The following FOXP1 variants were observed in gnomAD, a reference collection of about 807,000 sequenced individuals.
FOXP1 encodes the protein forkhead box P1, also known as forkhead box protein P1.
FOXP1 carries 15 observed loss-of-function variants against 98.2 expected under a neutral mutation model. The observed-to-expected ratio is 0.15, with a 90% CI of 0.10 to 0.24. The LOEUF is 0.24. Ranked by LOEUF, FOXP1 falls within the 10% of genes least tolerant of loss-of-function variation. The pLI, the probability that FOXP1 is intolerant of heterozygous loss-of-function variation, is 1.00. For missense variants in FOXP1, 633 were observed against 848.5 expected (o/e 0.75, Z 3.15); for synonymous variants, 371 against 314.5 (o/e 1.18, Z -1.90).
In FOXP1 at chr3:70,956,409, ATT is replaced by A. The variant is rs886058834; in HGVS notation, c.*2836_*2837del. On this transcript the variant is annotated 3_prime_UTR_variant, in exon 21 of 21. Transcript: ENST00000649528. ...TACCTGCAAAGATATGTAAAATCTA[ATT>A]TTTCTTTTTTTTTTTTTTTTGCTAC... The A allele has an allele frequency of 4.6e-6, 1 of 219,294 alleles. No individual in the cohort carries two copies. The highest frequency in any genetic ancestry group is 9.0e-6 in the Non-Finnish European group (1 of 111,504). 13.6% of individuals were successfully genotyped at this position (219,294 alleles called of 1,614,324 possible).
At chr3:71,298,534 T>G (rs1029376641) in intron 5 of FOXP1, among the ~76,000 whole-genome samples, 3 of 152,178 alleles carry the variant, frequency 2.0e-5, no homozygotes, top group Non-Finnish European at 4.4e-5. Flanking sequence ...AGTGTCTTGC[T>G]GTGGCCTGAT....
At position 71,053,651 on chromosome 3, in the gene FOXP1, G is replaced by C; in HGVS notation, c.405C>G (p.Ala135=). The change falls in exon 8 of 21, where the codon GCC becomes GCG. Residue 135 remains alanine, a synonymous_variant. Coordinates refer to ENST00000649528, the MANE Select transcript of FOXP1 (RefSeq NM_001349338.3). ...QLQVLLQQQQ[A]LMLQQQQLQE... is the part of the protein sequence containing the mutation. ...GGACAATTACCTGTTGAAGCATGAG[G>C]GCCTGCTGCTGCTGGAGGAGAACCT... is the stretch of plus-strand genomic sequence containing the variant. 6.2e-7 allele frequency: 1 copy of C among 1,614,070 alleles called. No individual in the cohort carries two copies. The highest frequency in any genetic ancestry group is 1.1e-5 in the South Asian group (1 of 91,080).
In FOXP1 at chr3:70,954,894, CAAAA is replaced by C. The variant is rs1013329420; in HGVS notation, c.*4349_*4352del. ...CTTATCAAAACAAAACAAAACAAAA[CAAAA>C]AAATTCTTGTTACTGGCAGCACATA... On this transcript the variant is annotated 3_prime_UTR_variant, in exon 21 of 21. Transcript: ENST00000649528. 8.6e-6 allele frequency: 2 copies of C among 232,488 alleles called. No individual in the cohort carries two copies. The highest frequency in any genetic ancestry group is 1.7e-5 in the Non-Finnish European group (2 of 117,810). The allele number at this position is 232,488 out of a possible 1,614,324, so 14.4% of individuals were successfully genotyped here.
intron 6 of FOXP1, among the ~76,000 whole-genome samples, chr3:71,192,390 G>A (rs891244037): frequency 4.6e-5 from 7 of 152,172 alleles, no homozygotes; most frequent in African/African-American, 1.4e-4. Context: ...TGCCCCAGAG[G>A]CCTATGGGTA....
chr3:71,237,564 T>A (rs962063264), intron 5 of FOXP1, among the ~76,000 whole-genome samples: 6 of 152,162 alleles, frequency 3.9e-5, no homozygotes, highest in African/African-American at 1.4e-4. Context: ...CATACTGTCA[T>A]CACTTCCCAT....
At chr3:71,088,219 CG>C (rs2055354354) in intron 7 of FOXP1, among the ~76,000 whole-genome samples, 1 of 152,160 alleles carries the variant, frequency 6.6e-6, no homozygotes, top group Non-Finnish European at 1.5e-5. Context: ...CCTAGATAGA[CG>C]CAAGACTCAG....
intron 5 of FOXP1, among the ~76,000 whole-genome samples, chr3:71,283,735 T>A (rs1451368365): frequency 1.3e-5 from 2 of 152,068 alleles, no homozygotes; most frequent in Non-Finnish European, 2.9e-5. Flanking sequence ...GGTTTTTTTA[T>A]GTTTGTTTGT....
intron 1 of FOXP1, chr3:71,582,865 C>T (rs1383796823): frequency 3.2e-6 from 3 of 946,570 alleles, no homozygotes; most frequent in African/African-American, 1.8e-5. Flanking sequence ...GGGTAACGCG[C>T]GCGTGGCAGC....
At chr3:71,397,889 A>T (rs1483051114) in intron 3 of FOXP1, among the ~76,000 whole-genome samples, 1 of 152,202 alleles carries the variant, frequency 6.6e-6, no homozygotes, top group Non-Finnish European at 1.5e-5. Flanking sequence ...TTCTCCGTAT[A>T]ACATTTTACA....
intron 6 of FOXP1, among the ~76,000 whole-genome samples, chr3:71,123,961 A>G (rs927369584): frequency 2.0e-5 from 3 of 152,172 alleles, no homozygotes; most frequent in Non-Finnish European, 2.9e-5. Flanking sequence ...AATTATACCC[A>G]GTTAACAGAT....
intron 5 of FOXP1, among the ~76,000 whole-genome samples, chr3:71,222,067 C>T (rs1197363053): frequency 6.6e-6 from 1 of 152,098 alleles, no homozygotes; most frequent in Non-Finnish European, 1.5e-5. Flanking sequence ...GCAAGAGAAT[C>T]GCTTGAACCC....
intron 9 of FOXP1, among the ~76,000 whole-genome samples, chr3:71,049,074 T>C (rs922213596): frequency 6.6e-6 from 1 of 152,134 alleles, no homozygotes; most frequent in Non-Finnish European, 1.5e-5. Context: ...TACGGGTCCA[T>C]TTGTTTACTT....
chr3:71,328,341 A>C (rs13065403), intron 4 of FOXP1, among the ~76,000 whole-genome samples: 21,299 of 152,226 alleles, frequency 0.14, 1,716 homozygotes, highest in Non-Finnish European at 0.19. Context: ...CCAGCTGAAG[A>C]ACTGTGCTCC....
chr3:71,497,157 C>CA (rs1416528818), intron 2 of FOXP1, among the ~76,000 whole-genome samples: 5 of 150,786 alleles, frequency 3.3e-5, no homozygotes, highest in East Asian at 1.9e-4. Context: ...AGTACAGAGG[C>CA]AAAAACAAAA....
At chr3:71,415,452 T>C (rs1057265155) in intron 3 of FOXP1, among the ~76,000 whole-genome samples, 11 of 152,234 alleles carry the variant, frequency 7.2e-5, no homozygotes, top group African/African-American at 2.4e-4. Context: ...GGGTCTTTGA[T>C]GTGAGAGCCA....
intron 6 of FOXP1, among the ~76,000 whole-genome samples, chr3:71,126,052 T>C (rs1293879309): frequency 6.6e-6 from 1 of 152,232 alleles, no homozygotes; most frequent in Non-Finnish European, 1.5e-5. Flanking sequence ...TGAAAAGTGC[T>C]GTATAACTAT....
chr3:71,404,363 T>C lies in FOXP1; in HGVS notation c.-167-45119A>G, dbSNP rs929768861. On this transcript the variant is annotated intron_variant, in intron 3 of 20. Transcript: ENST00000649528. Reference sequence around the variant, plus strand: ...GCTGGTCTCGAACTCCCCACCTCAGTTGATCCGCCCACCTCAGTCTCCCAA... The same window carrying C: ...GCTGGTCTCGAACTCCCCACCTCAGCTGATCCGCCCACCTCAGTCTCCCAA... Among the ~76,000 whole-genome samples, 9 of 151,956 alleles carry C rather than the reference T, an allele frequency of 5.9e-5. 1 individual carries two copies. The South Asian group carries it at 1.7e-3, about 28-fold the overall frequency.
At chr3:71,523,917 AG>A (rs2043173716) in intron 2 of FOXP1, among the ~76,000 whole-genome samples, 1 of 152,198 alleles carries the variant, frequency 6.6e-6, no homozygotes, top group African/African-American at 2.4e-5. Context: ...GATGTGTAGC[AG>A]GCTTGGATTA....
At chr3:71,534,912 G>A (rs533857169) in intron 2 of FOXP1, among the ~76,000 whole-genome samples, 20 of 152,296 alleles carry the variant, frequency 1.3e-4, no homozygotes, top group Admixed American at 9.8e-4. Context: ...GCTGACCTAT[G>A]AGGGACACAT....
Sources: allele counts gnomAD v4.1 joint callset (sites outside exome capture counted in the v4.1 genomes callset), GRCh38; gene constraint gnomAD v4.1.1; transcripts MANE v1.5; gene names NCBI Gene and HGNC (gene_info 2026-07-23, HGNC 2026-07-21).